Variants in TP53BP1 observed in about 807,000 individuals in gnomAD.
TP53BP1 encodes tumor protein p53 binding protein 1.
A neutral mutation model predicts 200.8 loss-of-function variants in TP53BP1; 61 were observed. That is an observed-to-expected ratio of 0.30 (90% CI 0.25 to 0.38). The LOEUF is 0.38. Ranked by LOEUF, TP53BP1 falls within the 10% of genes least tolerant of loss-of-function variation. TP53BP1 has a pLI of 1.00. For missense variants in TP53BP1, 2,144 were observed against 2,371.9 expected, an observed-to-expected ratio of 0.90 and a Z score of 2.00; for synonymous variants, 822 against 844.3, an observed-to-expected ratio of 0.97 and a Z score of 0.46.
chr15:43,505,334 T>C lies in TP53BP1; in HGVS notation c.-9+5036A>G, dbSNP rs2079230639. ...GTTTGAATCCTCTTTACCACCATCA[T>C]CTCTACCACCACAAAGAAAATCCTT... On this transcript the variant is annotated intron_variant, in intron 1 of 27. Transcript: ENST00000263801. 2.6e-5 allele frequency among the ~76,000 whole-genome samples: 4 copies of C among 152,276 alleles called. No individual in the cohort carries two copies. In the South Asian group the frequency reaches 8.3e-4, roughly 32 times the overall value.
intron 10 of TP53BP1, among the ~76,000 whole-genome samples, chr15:43,471,826 ACTT>A (rs2046732993): frequency 1.3e-5 from 2 of 152,204 alleles, no homozygotes; most frequent in African/African-American, 4.8e-5. Flanking sequence ...ACCAAACTTC[ACTT>A]GTATTACCTG....
chr15:43,482,441 C>G (rs982061409), intron 4 of TP53BP1, among the ~76,000 whole-genome samples: 1 of 151,898 alleles, frequency 6.6e-6, no homozygotes, highest in Non-Finnish European at 1.5e-5. Context: ...AAAACCAGCA[C>G]GGCCAACATG....
At chr15:43,510,509 CAA>C (rs35271859) in exon 1 of TP53BP1, 23 of 133,218 alleles carry the variant, frequency 1.7e-4, no homozygotes, top group South Asian at 9.0e-4. Flanking sequence ...TGACAAAAAA[CAA>C]AAAAAAAAAA....
At chr15:43,420,876 T>C (rs887442854) in intron 20 of TP53BP1, 141 bp from the exon 21 acceptor site, 1 of 1,291,978 alleles carries the variant, frequency 7.7e-7, no homozygotes, top group African/African-American at 1.5e-5. Flanking sequence ...GCCTGGTCTC[T>C]CTGTGGCCTC....
At chr15:43,455,284 T>A (rs536389433) in intron 12 of TP53BP1, among the ~76,000 whole-genome samples, 1 of 152,062 alleles carries the variant, frequency 6.6e-6, no homozygotes, top group African/African-American at 2.4e-5. Flanking sequence ...TCAAAATCTA[T>A]ACACAGAGAG....
intron 4 of TP53BP1, among the ~76,000 whole-genome samples, chr15:43,488,273 G>C (rs1279201164): frequency 6.6e-6 from 1 of 150,990 alleles, no homozygotes; most frequent in Non-Finnish European, 1.5e-5. Context: ...ACTCCAGCCT[G>C]AGCAACAGAG....
chr15:43,413,404 A>C, intron 23 of TP53BP1, 70 bp from the exon 24 acceptor site: 2 of 1,303,762 alleles, frequency 1.5e-6, no homozygotes, highest in Non-Finnish European at 2.1e-6. Context: ...TTAACACCAA[A>C]AGGCCCCAGC....
chr15:43,427,074 T>G (rs1228100657), intron 18 of TP53BP1, among the ~76,000 whole-genome samples: 2 of 151,156 alleles, frequency 1.3e-5, no homozygotes, highest in African/African-American at 4.9e-5. Flanking sequence ...ATAAAATGGT[T>G]CCCAGATCTT....
intron 16 of TP53BP1, 93 bp from the exon 17 acceptor site, chr15:43,432,770 A>G (rs1595548097): frequency 1.0e-5 from 14 of 1,352,462 alleles, no homozygotes; most frequent in Non-Finnish European, 9.9e-7. Flanking sequence ...TGTAGTGGCA[A>G]GGGGGGAGCC....
Position 43,470,073 on chromosome 15 carries a change from T to A in TP53BP1, c.1181-7A>T. ...GACGTGTCCATTGGCTTATCTGGTTTAAAACAGGAGAAACAAATTGAGAAA... is the reference window on the plus strand; with the variant it reads ...GACGTGTCCATTGGCTTATCTGGTTAAAAACAGGAGAAACAAATTGAGAAA... On this transcript the variant is annotated splice_region_variant and splice_polypyrimidine_tract_variant and intron_variant, in intron 10 of 27. Coordinates refer to ENST00000382044, the MANE Select transcript of TP53BP1 (RefSeq NM_001141980.3). The A allele has an allele frequency of 6.2e-7, 1 of 1,609,130 alleles. No individual in the cohort carries two copies. Among genetic ancestry groups the A allele is most frequent in the South Asian group, 1.1e-5 (1 of 90,934 alleles).
Position 43,456,494 on chromosome 15 carries a change from C to T in TP53BP1, c.2114G>A (p.Gly705Glu). The change falls in exon 12 of 28, where the codon GGG becomes GAG. Residue 705 changes from glycine to glutamate, a missense_variant. Gly to Glu is a moderately conservative substitution (Grantham distance 98). Transcript: ENST00000382044. ...HLSLTETQSQGLCLQKEMPKK... is the reference protein window; with the variant it reads ...HLSLTETQSQELCLQKEMPKK... The stretch of plus-strand genomic sequence containing the variant: ...TGGCATTTCCTTTTGAAGACACAAC[C>T]CTTGGGACTGAGTTTCAGTCAGAGA... 3 of 1,587,208 alleles carry T rather than the reference C, an allele frequency of 1.9e-6. No individual in the cohort carries two copies. The highest frequency in any genetic ancestry group is 2.6e-6 in the Non-Finnish European group (3 of 1,168,794).
At chr15:43,505,747 C>T (rs1022405125) in intron 1 of TP53BP1, among the ~76,000 whole-genome samples, 5 of 152,204 alleles carry the variant, frequency 3.3e-5, no homozygotes, top group African/African-American at 1.2e-4. Flanking sequence ...TATTATTTTA[C>T]TCAGTGCCTT....
intron 4 of TP53BP1, among the ~76,000 whole-genome samples, chr15:43,490,713 G>C (rs2079110027): frequency 6.6e-6 from 1 of 152,142 alleles, no homozygotes; most frequent in African/African-American, 2.4e-5. Flanking sequence ...GGAGGCATTA[G>C]AGTCATTAGG....
chr15:43,488,954 A>C (rs1384320011), intron 4 of TP53BP1, among the ~76,000 whole-genome samples: 1 of 152,206 alleles, frequency 6.6e-6, no homozygotes, highest in Non-Finnish European at 1.5e-5. Flanking sequence ...AATTCTTTCC[A>C]GCTTCATGGC....
Position 43,406,897 on chromosome 15 carries a change from G to C in TP53BP1, c.*486C>G, listed in dbSNP as rs1216437252. 1 of 261,584 alleles carries C rather than the reference G, an allele frequency of 3.8e-6. No homozygotes were observed. The highest frequency in any genetic ancestry group is 7.5e-6 in the Non-Finnish European group (1 of 132,852). The allele number at this position is 261,584 out of a possible 1,614,324, so 16.2% of individuals were successfully genotyped here. A position where few individuals can be genotyped will look rare whatever the true frequency, so the allele number is the denominator to read the frequency against. The stretch of plus-strand genomic sequence containing the variant: ...TACCCACAGGTGAGCTGTGATCTCA[G>C]CTCAGAGAGAGAGCATGAGGTCTTT... On this transcript the variant is annotated 3_prime_UTR_variant, in exon 28 of 28. Coordinates refer to ENST00000382044, the MANE Select transcript of TP53BP1 (RefSeq NM_001141980.3).
chr15:43,436,408 C>T (rs2045799740), intron 16 of TP53BP1, among the ~76,000 whole-genome samples: 1 of 152,052 alleles, frequency 6.6e-6, no homozygotes, highest in African/African-American at 2.4e-5. Context: ...TTTTCCACTG[C>T]CATTACTTAT....
intron 5 of TP53BP1, 141 bp from the exon 6 acceptor site, chr15:43,480,158 A>T: frequency 1.4e-6 from 1 of 736,268 alleles, no homozygotes; most frequent in East Asian, 2.8e-5. Context: ...AAAAATAAAA[A>T]ATAAATGTGG....
chr15:43,434,051 T>G (rs1256407060), intron 16 of TP53BP1, among the ~76,000 whole-genome samples: 1 of 152,234 alleles, frequency 6.6e-6, no homozygotes, highest in Non-Finnish European at 1.5e-5. Context: ...AAGAGGGATT[T>G]CAAATAGAGT....
intron 10 of TP53BP1, among the ~76,000 whole-genome samples, chr15:43,473,488 C>T (rs908359925): frequency 6.6e-6 from 1 of 151,900 alleles, no homozygotes; most frequent in Non-Finnish European, 1.5e-5. Flanking sequence ...TACAGAGTGT[C>T]CATTGGTACA....
Sources: allele counts gnomAD v4.1 joint callset (sites outside exome capture counted in the v4.1 genomes callset), GRCh38; gene constraint gnomAD v4.1.1; transcripts MANE v1.5; gene names NCBI Gene and HGNC (gene_info 2026-07-23, HGNC 2026-07-21).